Variants in DIP2B observed in about 807,000 individuals in gnomAD.
DIP2B encodes DIP2 acetate--CoA ligase B (putative), also known as disco-interacting protein 2 homolog B.
A neutral mutation model predicts 198.0 loss-of-function variants in DIP2B; 76 were observed. The observed-to-expected ratio is 0.38, with a 90% confidence interval of 0.32 to 0.46. DIP2B has a LOEUF of 0.46. DIP2B is among the 20% of genes least tolerant of loss of function. The probability of loss-of-function intolerance (pLI) is 0.99; values close to 1 mark genes in which losing one functional copy is unlikely to be tolerated. For missense variants in DIP2B, 1,559 were observed against 1,978.4 expected (o/e 0.79, Z 4.02); for synonymous variants, 701 against 739.1 (o/e 0.95, Z 0.84).
chr12:50,665,610 G>T (rs1427112007), intron 4 of DIP2B, among the ~76,000 whole-genome samples: 1 of 151,806 alleles, frequency 6.6e-6, no homozygotes, highest in East Asian at 1.9e-4. Flanking sequence ...CCTTCATAGT[G>T]CTAAATAAAA....
intron 1 of DIP2B, among the ~76,000 whole-genome samples, chr12:50,511,291 A>ATTGTTTTTTTTTTTTTTTTTT (rs1958013678): frequency 3.1e-5 from 2 of 64,664 alleles, no homozygotes; most frequent in Admixed American, 5.5e-4. Flanking sequence ...TGTGATTTCT[A>ATTGTTTTTTTTTTTTTTTTTT]TTTTTTTTTT....
At chr12:50,669,120 G>T (rs1352349503) in intron 4 of DIP2B, among the ~76,000 whole-genome samples, 1 of 151,920 alleles carries the variant, frequency 6.6e-6, no homozygotes, top group African/African-American at 2.4e-5. Flanking sequence ...CCTGACTGTG[G>T]TTGGTTCCCA....
At chr12:50,606,710 G>C (rs566647941) in intron 1 of DIP2B, among the ~76,000 whole-genome samples, 1 of 151,820 alleles carries the variant, frequency 6.6e-6, no homozygotes, top group Admixed American at 6.6e-5. Flanking sequence ...CGCCCAGGCT[G>C]GTCTCCAACT....
intron 1 of DIP2B, among the ~76,000 whole-genome samples, chr12:50,545,020 G>T (rs1958363840): frequency 6.6e-6 from 1 of 152,182 alleles, no homozygotes; most frequent in African/African-American, 2.4e-5. Flanking sequence ...GAGCCCAGGA[G>T]TTCAAGACCA....
intron 2 of DIP2B, among the ~76,000 whole-genome samples, chr12:50,640,153 G>A (rs1938229127): frequency 6.6e-6 from 1 of 152,030 alleles, no homozygotes; most frequent in African/African-American, 2.4e-5. Context: ...TAAAAAGGCA[G>A]GAAAACATCA....
At chr12:50,674,727 A>G in intron 6 of DIP2B, 98 bp downstream of exon 6, 3 of 1,461,416 alleles carry the variant, frequency 2.1e-6, no homozygotes, top group Non-Finnish European at 2.8e-6. Context: ...CAGCTGCAGA[A>G]CTGCATTGTA....
At chr12:50,628,081 G>A (rs945136497) in intron 2 of DIP2B, among the ~76,000 whole-genome samples, 3 of 152,040 alleles carry the variant, frequency 2.0e-5, no homozygotes, top group African/African-American at 7.2e-5. Context: ...AACTTAAAAA[G>A]CAATGATGGG....
At chr12:50,686,906 T>G (rs1355676661) in intron 12 of DIP2B, 2 of 400,028 alleles carry the variant, frequency 5.0e-6, no homozygotes, top group Admixed American at 4.3e-5. Context: ...AAAAAAAGGA[T>G]TCTTCATGTA....
At chr12:50,562,330 C>A (rs1016201593) in intron 1 of DIP2B, among the ~76,000 whole-genome samples, 91 of 151,986 alleles carry the variant, frequency 6.0e-4, no homozygotes, top group African/African-American at 2.1e-3. Flanking sequence ...TAGGTCTCTT[C>A]CGTATATAGG....
At chr12:50,509,158 A>G (rs193274306) in intron 1 of DIP2B, among the ~76,000 whole-genome samples, 3 of 152,276 alleles carry the variant, frequency 2.0e-5, no homozygotes, top group East Asian at 3.9e-4. Context: ...CTGCCAGGGA[A>G]ATCATTGAAA....
intron 28 of DIP2B, among the ~76,000 whole-genome samples, chr12:50,727,109 C>A (rs181885985): frequency 7.2e-5 from 11 of 152,210 alleles, no homozygotes; most frequent in African/African-American, 2.4e-4. Context: ...TAGAGCAAGA[C>A]TCTGTCTCAA....
intron 36 of DIP2B, among the ~76,000 whole-genome samples, chr12:50,740,042 G>A (rs1471449929): frequency 2.0e-5 from 3 of 152,322 alleles, no homozygotes; most frequent in South Asian, 4.1e-4. Flanking sequence ...GACACAGCCT[G>A]CTTCCTGGCC....
intron 4 of DIP2B, among the ~76,000 whole-genome samples, chr12:50,668,861 T>C (rs1456317219): frequency 6.6e-6 from 1 of 152,188 alleles, no homozygotes; most frequent in Non-Finnish European, 1.5e-5. Flanking sequence ...GTTGAAATGT[T>C]AGAATATTTT....
chr12:50,704,024 G>A lies in DIP2B; in HGVS notation c.2326-116G>A. 10 of 759,544 alleles carry A rather than the reference G, an allele frequency of 1.3e-5. No homozygotes were observed. The South Asian group carries it at 1.7e-4, about 13-fold the overall frequency. The allele number at this position is 759,544 out of a possible 1,614,324, so 47.1% of individuals were successfully genotyped here. On this transcript the variant is annotated intron_variant, in intron 19 of 37. Transcript: ENST00000301180. The stretch of plus-strand genomic sequence containing the variant: ...TATCTCTAAAGGGATGGAATTACTG[G>A]ATTCACTATTACATTATTTTTTCAC...
intron 3 of DIP2B, among the ~76,000 whole-genome samples, chr12:50,647,380 T>A (rs1161173377): frequency 1.3e-5 from 2 of 152,092 alleles, no homozygotes; most frequent in African/African-American, 2.4e-5. Context: ...GTCTGAGCCA[T>A]TTTGAAGGAT....
At chr12:50,698,926 T>C in intron 18 of DIP2B, 140 bp from the exon 19 acceptor site, 1 of 886,794 alleles carries the variant, frequency 1.1e-6, no homozygotes, top group Non-Finnish European at 1.7e-6. Context: ...TTCAGGTTTA[T>C]GTTTAGCATT....
intron 1 of DIP2B, among the ~76,000 whole-genome samples, chr12:50,579,682 T>A (rs866830443): frequency 2.6e-4 from 1 of 3,840 alleles, no homozygotes; most frequent in Non-Finnish European, 4.7e-4. Flanking sequence ...TATATATATA[T>A]ATATATATAT....
rs1939214440 is a variant in DIP2B, at chr12:50,691,066, A to G, written c.1569A>G (p.Glu523=). 2 of 1,614,050 alleles carry G rather than the reference A, an allele frequency of 1.2e-6. No individual in the cohort carries two copies. The highest frequency in any genetic ancestry group is 1.7e-6 in the Non-Finnish European group (2 of 1,179,974). ...PAYIEYKTSK[E]GSVMGVTVSR... Reference sequence around the variant, plus strand: ...TTTTCTAGTATAAAACAAGCAAAGAAGGGAGTGTAATGGGAGTTACAGTAT... The same window carrying G: ...TTTTCTAGTATAAAACAAGCAAAGAGGGGAGTGTAATGGGAGTTACAGTAT... Residue 523 remains glutamate, a synonymous_variant, in exon 13 of 38, where the codon GAA becomes GAG. Transcript: ENST00000301180.
At chr12:50,530,470 G>C (rs1162864379) in intron 1 of DIP2B, among the ~76,000 whole-genome samples, 1 of 152,226 alleles carries the variant, frequency 6.6e-6, no homozygotes, top group African/African-American at 2.4e-5. Flanking sequence ...GTAAGCAGGA[G>C]TGGATGACAT....
Sources: gnomAD v4.1 joint callset for allele counts (sites outside exome capture counted in the v4.1 genomes callset) on GRCh38, gnomAD v4.1.1 for gene constraint, MANE v1.5 for transcripts, NCBI Gene and HGNC (gene_info 2026-07-23, HGNC 2026-07-21) for gene names.